Variants in SLFN14 observed in about 807,000 individuals in gnomAD.
SLFN14 encodes schlafen family member 14.
SLFN14 carries 47 observed loss-of-function variants against 58.6 expected under a neutral mutation model. The observed-to-expected ratio is 0.80, with a 90% CI of 0.64 to 1.02. SLFN14 has a LOEUF of 1.02. SLFN14 is among the 50% of genes least tolerant of loss of function. SLFN14 has a pLI of 0.00. For missense variants in SLFN14, 967 were observed against 1,078.4 expected (o/e 0.90, Z 1.45); for synonymous variants, 390 against 387.3 (o/e 1.01, Z -0.08).
Position 35,557,415 on chromosome 17 carries a change from G to C in SLFN14, c.648C>G (p.Thr216=). The part of the protein sequence containing the change: ...ESTHVEFKRF[T]TKKVIPRIKE... ...TAATCCGAGGTATGACTTTTTTGGT[G>C]GTGAACCTTTTAAATTCAACATGTG... The change falls in exon 3 of 6, where the codon ACC becomes ACG. Residue 216 remains threonine, a synonymous_variant. Coordinates refer to ENST00000674182, the MANE Select transcript of SLFN14 (RefSeq NM_001129820.2). 1.9e-6 allele frequency: 3 copies of C among 1,551,556 alleles called. No individual in the cohort carries two copies. Among genetic ancestry groups the C allele is most frequent in the Non-Finnish European group, 2.6e-6 (3 of 1,146,968 alleles).
chr17:35,548,568 T>C lies in SLFN14; in HGVS notation c.2410A>G (p.Ser804Gly). ...GGCAGATAGCCACACTGGAACAGGCTGTGACATTTTCTTGCCACATAGTTA... is the reference window on the plus strand; with the variant it reads ...GGCAGATAGCCACACTGGAACAGGCCGTGACATTTTCTTGCCACATAGTTA... The part of the protein sequence containing the change: ...IANYVARKCH[S>G]LFQCGYLPKD... The change falls in exon 6 of 6, where the codon AGC (serine) becomes GGC (glycine). Residue 804 changes from serine (S) to glycine (G), a missense_variant. Ser to Gly is a moderately conservative substitution (Grantham distance 56). Coordinates refer to ENST00000674182, the MANE Select transcript of SLFN14 (RefSeq NM_001129820.2). 1.3e-6 allele frequency: 2 copies of C among 1,551,784 alleles called. No homozygotes were observed. Among genetic ancestry groups the C allele is most frequent in the Non-Finnish European group, 1.7e-6 (2 of 1,147,006 alleles).
chr17:35,557,341 C>A lies in SLFN14; in HGVS notation c.722G>T (p.Gly241Val), dbSNP rs1170173604. 2 of 1,551,718 alleles carry A rather than the reference C, an allele frequency of 1.3e-6. No homozygotes were observed. The highest frequency in any genetic ancestry group is 1.7e-6 in the Non-Finnish European group (2 of 1,147,006). The change falls in exon 3 of 6, where the codon GGA (glycine) becomes GTA (valine). Residue 241 changes from glycine to valine, a missense_variant. Physicochemically the swap from Gly to Val is moderately radical, Grantham distance 109. Transcript: ENST00000674182. ...ATCATCCACCCCAATGAGGACATAT[C>A]CCCCTTGAGTGTTGGCAAATGCAGA... ...YVSAFANTQG[G>V]YVLIGVDDKS...
Position 35,548,410 on chromosome 17 carries a change from C to G in SLFN14, c.2568G>C (p.Trp856Cys). The change falls in exon 6 of 6, where the codon TGG becomes TGC. Residue 856 changes from tryptophan to cysteine, a missense_variant. By Grantham distance (215) the Trp-to-Cys change is radical. Coordinates refer to ENST00000674182, the MANE Select transcript of SLFN14 (RefSeq NM_001129820.2). ...EVVFSPATGV[W>C]GSHIVLDSIQ... ...TACTGTCTAAAACAATGTGACTTCC[C>G]CAAACACCGGTGGCCGGGCTAAACA... 1 of 1,551,720 alleles carries G rather than the reference C, an allele frequency of 6.4e-7. No homozygotes were observed. The highest frequency in any genetic ancestry group is 8.7e-7 in the Non-Finnish European group (1 of 1,146,996).
intron 5 of SLFN14, 91 bp downstream of exon 5, chr17:35,552,639 T>TATATATACACATATATATAC (rs1555547569): frequency 2.7e-6 from 1 of 371,598 alleles, no homozygotes; most frequent in Non-Finnish European, 4.1e-6. Context: ...TATATATACA[T>TATATATACACATATATATAC]ATATATATAC....
rs321614 is a variant in SLFN14 at position 35,554,715 on chromosome 17, A to G, written c.1061-11T>C. 678,019 of 1,347,900 alleles carry G rather than the reference A, an allele frequency of 0.5. 173,707 individuals are homozygous for G. Among genetic ancestry groups the G allele is most frequent in the Non-Finnish European group, 0.52 (544,080 of 1,042,450 alleles). 83.5% of individuals were successfully genotyped at this position (1,347,900 alleles called of 1,614,324 possible). ...CCAAACTGGGAGGAGCTAGACAATT[A>G]CATGGAAAGTTGTTTCAGACAAAAA... On this transcript the variant is annotated splice_polypyrimidine_tract_variant and intron_variant, in intron 3 of 5. Coordinates refer to ENST00000674182, the MANE Select transcript of SLFN14 (RefSeq NM_001129820.2).
In SLFN14 at chr17:35,553,431, C is replaced by T. The variant is rs567681490; in HGVS notation, c.1203G>A (p.Glu401=). The T allele has an allele frequency of 1.3e-6, 2 of 1,543,932 alleles. No homozygotes were observed. Among genetic ancestry groups the T allele is most frequent in the African/African-American group, 1.4e-5 (1 of 72,828 alleles). The change falls in exon 5 of 6, where the codon GAG becomes GAA. Residue 401 remains glutamate, a synonymous_variant. Coordinates refer to ENST00000674182, the MANE Select transcript of SLFN14 (RefSeq NM_001129820.2). ...AGAGGGATTCTGGTTTAAATTGTACCTCTTCCTGTGTCACTGAAAATTCAA... is the reference window on the plus strand; with the variant it reads ...AGAGGGATTCTGGTTTAAATTGTACTTCTTCCTGTGTCACTGAAAATTCAA... ...QRHLFPVTQE[E]VQFKPESLCK...
intron 5 of SLFN14, among the ~76,000 whole-genome samples, chr17:35,549,750 T>G (rs2072567550): frequency 6.6e-6 from 1 of 152,210 alleles, no homozygotes; most frequent in African/African-American, 2.4e-5. Flanking sequence ...GTAACATCAC[T>G]CATCCCTACA....
At position 35,546,400 on chromosome 17, in the gene SLFN14, T is replaced by C. The variant is rs2072535033; in HGVS notation, c.*1839A>G. On this transcript the variant is annotated 3_prime_UTR_variant, in exon 6 of 6. Transcript: ENST00000674182. ...CCTAGGTACAGACTAGCCCTTCTAA[T>C]GGGCCTAAGCAATTCAGAAAGGCAG... Among the ~76,000 whole-genome samples, 1 of 152,176 alleles carries C rather than the reference T, an allele frequency of 6.6e-6. No homozygotes were observed. Among genetic ancestry groups the C allele is most frequent in the South Asian group, 2.1e-4 (1 of 4,836 alleles).
chr17:35,557,684 G>T lies in SLFN14; in HGVS notation c.379C>A (p.Arg127Ser), dbSNP rs538967367. The T allele has an allele frequency of 1.4e-5, 21 of 1,551,570 alleles. No individual in the cohort carries two copies. The highest frequency in any genetic ancestry group is 1.8e-5 in the Non-Finnish European group (21 of 1,146,996). Residue 127 changes from arginine to serine, a missense_variant, in exon 3 of 6, where the codon CGC (arginine) becomes AGC (serine). By Grantham distance (110) the Arg-to-Ser change is moderately radical. Transcript: ENST00000674182. ...FSLPLRICSLRSNLYRRDVTS... is the reference protein window; with the variant it reads ...FSLPLRICSLSSNLYRRDVTS... ...ACATCTCTCCGATACAAATTGGAGCGCAAGCTGCAAATCCTTAGTGGAAGG... is the reference window on the plus strand; with the variant it reads ...ACATCTCTCCGATACAAATTGGAGCTCAAGCTGCAAATCCTTAGTGGAAGG...
chr17:35,551,384 G>A (rs138561679), intron 5 of SLFN14, among the ~76,000 whole-genome samples: 27 of 152,276 alleles, frequency 1.8e-4, no homozygotes, highest in African/African-American at 6.3e-4. Context: ...TCAGCCTATC[G>A]TTGTTTGAAT....
intron 2 of SLFN14, 91 bp from the exon 3 acceptor site, chr17:35,558,197 A>G (rs547068981): frequency 1.2e-6 from 1 of 818,914 alleles, no homozygotes; most frequent in East Asian, 2.7e-5. Context: ...CTGGAGATAT[A>G]TTTTAATGTT....
rs565135389 is a variant in SLFN14 at position 35,557,395 on chromosome 17, C to T, written c.668G>A (p.Arg223Gln). The T allele has an allele frequency of 9.6e-5, 149 of 1,551,628 alleles. No homozygotes were observed. The highest frequency in any genetic ancestry group is 2.6e-5 in the Non-Finnish European group (30 of 1,146,986). The change falls in exon 3 of 6, where the codon CGG (arginine) becomes CAG (glutamine). Residue 223 changes from arginine to glutamine, a missense_variant. Transcript: ENST00000674182. ...ATAATGAGGCAGCATTTCCTTAATC[C>T]GAGGTATGACTTTTTTGGTGGTGAA... ...KRFTTKKVIP[R>Q]IKEMLPHYVS...
rs1435872532 is a variant in SLFN14 at position 35,546,577 on chromosome 17, A to C, written c.*1662T>G. ...TATCCTAAACTTTTCTAGAAGTTAA[A>C]AACAGTTTGGAAATATGAATACTTC... On this transcript the variant is annotated 3_prime_UTR_variant, in exon 6 of 6. Transcript: ENST00000674182. Among the ~76,000 whole-genome samples, 1 of 152,256 alleles carries C rather than the reference A, an allele frequency of 6.6e-6. No individual in the cohort carries two copies. Among genetic ancestry groups the C allele is most frequent in the Non-Finnish European group, 1.5e-5 (1 of 68,048 alleles).
At position 35,558,113 on chromosome 17, in the gene SLFN14, T is replaced by C; in HGVS notation, c.-44-7A>G. On this transcript the variant is annotated splice_region_variant and splice_polypyrimidine_tract_variant and intron_variant, in intron 2 of 5. Transcript: ENST00000674182. Reference sequence around the variant, plus strand: ...CAATAAAAGAAAGGAGTTCCTATAATCAGGACAGAAATATTGTTTCTATAT... The same window carrying C: ...CAATAAAAGAAAGGAGTTCCTATAACCAGGACAGAAATATTGTTTCTATAT... 7.0e-7 allele frequency: 1 copy of C among 1,431,856 alleles called. No homozygotes were observed. The allele number at this position is 1,431,856 out of a possible 1,614,324, so 88.7% of individuals were successfully genotyped here. A position where few individuals can be genotyped will look rare whatever the true frequency, so the allele number is the denominator to read the frequency against.
In SLFN14 at chr17:35,553,124, C is replaced by T; in HGVS notation, c.1510G>A (p.Gly504Arg). Residue 504 changes from glycine to arginine, a missense_variant, in exon 5 of 6, where the codon GGG (glycine) becomes AGG (arginine). By Grantham distance (125) the Gly-to-Arg change is moderately radical. Transcript: ENST00000674182. ...QKLQTVGGYT[G>R]KVCIIPRLIH... is the part of the protein sequence containing the mutation. ...AGCCTTGGAATGATGCACACTTTCC[C>T]TGTGTAACCACCAACAGTTTGCAGT... The T allele has an allele frequency of 6.4e-7, 1 of 1,551,672 alleles. No homozygotes were observed. The highest frequency in any genetic ancestry group is 2.4e-5 in the East Asian group (1 of 40,928).
In SLFN14 at chr17:35,549,060, A is replaced by G. The variant is rs1185485207; in HGVS notation, c.1918T>C (p.Cys640Arg). The G allele has an allele frequency of 1.1e-5, 17 of 1,551,282 alleles. No homozygotes were observed. The South Asian group carries it at 1.8e-4, about 16-fold the overall frequency. Residue 640 changes from cysteine (C) to arginine (R), a missense_variant, in exon 6 of 6, where the codon TGC becomes CGC. By Grantham distance (180) the Cys-to-Arg change is radical. Coordinates refer to ENST00000674182, the MANE Select transcript of SLFN14 (RefSeq NM_001129820.2). ...LKDFVTQQTT[C>R]QAVTRKTFMQ... is the part of the protein sequence containing the mutation. ...AAAGTTTTCCTGGTCACAGCTTGGC[A>G]GGTGGTTTGTTGGCTGTAAGGACGG...
Position 35,557,648 on chromosome 17 carries a change from T to G in SLFN14, c.415A>C (p.Ile139Leu). The G allele has an allele frequency of 6.4e-7, 1 of 1,551,720 alleles. No individual in the cohort carries two copies. The change falls in exon 3 of 6, where the codon ATC becomes CTC. Residue 139 changes from isoleucine (I) to leucine (L), a missense_variant. Transcript: ENST00000674182. ...NLYRRDVTSA[I>L]NLSASSALEL... is the part of the protein sequence containing the mutation. ...AGGGCACTGCTAGCACTCAAGTTGA[T>G]AGCAGAAGTCACATCTCTCCGATAC...
Position 35,546,488 on chromosome 17 carries a change from C to G in SLFN14, c.*1751G>C, listed in dbSNP as rs1451180280. Among the ~76,000 whole-genome samples the G allele has an allele frequency of 6.6e-6, 1 of 152,206 alleles. No homozygotes were observed. Among genetic ancestry groups the G allele is most frequent in the Non-Finnish European group, 1.5e-5 (1 of 68,036 alleles). On this transcript the variant is annotated 3_prime_UTR_variant, in exon 6 of 6. Transcript: ENST00000674182. ...CTCTTGGAAGGCTGAGGGGCTTTAT[C>G]TAAAATCATAACCAAAATTTCCACA...
rs1235689958 is a variant in SLFN14 at position 35,557,596 on chromosome 17, C to G, written c.467G>C (p.Arg156Thr). 1.3e-6 allele frequency: 2 copies of G among 1,551,700 alleles called. No homozygotes were observed. Among genetic ancestry groups the G allele is most frequent in the Non-Finnish European group, 1.7e-6 (2 of 1,146,994 alleles). ...CACCCTTGGTCTTCCTCTTTGGGCT[C>G]TAAACCCCTTCTCTCTGAGAAGCTC... is the stretch of plus-strand genomic sequence containing the variant. ...ALELLREKGF[R>T]AQRGRPRVKK... The change falls in exon 3 of 6, where the codon AGA (arginine) becomes ACA (threonine). Residue 156 changes from arginine to threonine, a missense_variant. Arg to Thr is a moderately conservative substitution (Grantham distance 71). Coordinates refer to ENST00000674182, the MANE Select transcript of SLFN14 (RefSeq NM_001129820.2).
Sources: allele counts gnomAD v4.1 joint callset (sites outside exome capture counted in the v4.1 genomes callset), GRCh38; gene constraint gnomAD v4.1.1; transcripts MANE v1.5; gene names NCBI Gene and HGNC (gene_info 2026-07-23, HGNC 2026-07-21).